Variants in NEMF observed in about 807,000 individuals in gnomAD.
The protein encoded by NEMF is nuclear export mediator factor.
Under a neutral mutation model 162.2 loss-of-function variants are expected in NEMF, and 89 were observed. The observed-to-expected ratio is 0.55, with a 90% CI of 0.46 to 0.65. The LOEUF is 0.65. Among genes scored for constraint, NEMF ranks in the 30% least tolerant of loss-of-function variants. The pLI is 0.00. For synonymous variants in NEMF, 421 were observed against 404.5 expected, an observed-to-expected ratio of 1.04 and a Z score of -0.49; for missense variants, 1,133 against 1,261.9, an observed-to-expected ratio of 0.90 and a Z score of 1.55.
intron 3 of NEMF, among the ~76,000 whole-genome samples, chr14:49,850,917 T>G (rs190026997): frequency 8.5e-5 from 13 of 152,210 alleles, no homozygotes; most frequent in Non-Finnish European, 1.8e-4. Flanking sequence ...AAAAAATTAA[T>G]GTTGGGCCAG....
Position 49,819,320 on chromosome 14 carries a change from G to T in NEMF, c.1578-4463C>A, listed in dbSNP as rs577441007. On this transcript the variant is annotated intron_variant, in intron 16 of 32. Coordinates refer to ENST00000298310, the MANE Select transcript of NEMF (RefSeq NM_004713.6). ...AAAAAACAGAGTAACTACGTGAGAT[G>T]ATGCATATGTTAATGTGCTTGACTG... Among the ~76,000 whole-genome samples the T allele has an allele frequency of 9.9e-5, 15 of 151,978 alleles. No individual in the cohort carries two copies. The East Asian group carries it at 1.2e-3, about 12-fold the overall frequency.
chr14:49,844,127 A>C (rs1300955443), intron 4 of NEMF, among the ~76,000 whole-genome samples: 1 of 151,556 alleles, frequency 6.6e-6, no homozygotes, highest in East Asian at 1.9e-4. Context: ...CAAAACAAAA[A>C]AAAAACCGCA....
chr14:49,804,658 T>C (rs543867215), intron 19 of NEMF, among the ~76,000 whole-genome samples: 1 of 76,044 alleles, frequency 1.3e-5, no homozygotes, highest in African/African-American at 4.2e-5. Context: ...AGAGCAACAT[T>C]CCATCTCATA....
At chr14:49,840,952 T>C (rs1893171908) in intron 4 of NEMF, 86 bp from the exon 5 acceptor site, 4 of 1,195,228 alleles carry the variant, frequency 3.3e-6, no homozygotes, top group South Asian at 1.5e-5. Context: ...ACCCCAGCAC[T>C]GTGGAAGGCC....
chr14:49,850,879 T>C (rs1410521705), intron 3 of NEMF, among the ~76,000 whole-genome samples: 4 of 151,994 alleles, frequency 2.6e-5, no homozygotes, highest in African/African-American at 9.7e-5. Flanking sequence ...CCATAAAAGG[T>C]GAGGTAACTA....
rs1033177764 is a variant in NEMF, at chr14:49,820,511, A to C, written c.1577+5356T>G. On this transcript the variant is annotated intron_variant, in intron 16 of 32. Transcript: ENST00000298310. ...CGGCTGGGCGCGGTGGCTCATGCCT[A>C]TAATCCCGGCACTTTGGAAGGCCGA... is the stretch of plus-strand genomic sequence containing the variant. 10 of 456,314 alleles carry C rather than the reference A, an allele frequency of 2.2e-5. No homozygotes were observed. In the Admixed American group the frequency reaches 2.4e-4, roughly 11 times the overall value. 28.3% of individuals were successfully genotyped at this position (456,314 alleles called of 1,614,324 possible). A position where few individuals can be genotyped will look rare whatever the true frequency, so the allele number is the denominator to read the frequency against.
At chr14:49,806,770 A>C (rs974614477) in intron 18 of NEMF, among the ~76,000 whole-genome samples, 2 of 152,188 alleles carry the variant, frequency 1.3e-5, no homozygotes, top group Non-Finnish European at 2.9e-5. Flanking sequence ...AATCCATTTA[A>C]AGTTTGAAGA....
At chr14:49,844,760 C>G in intron 4 of NEMF, 1 of 315,958 alleles carries the variant, frequency 3.2e-6, no homozygotes, top group South Asian at 2.4e-5. Flanking sequence ...CACACACACA[C>G]ACACATATAT....
intron 1 of NEMF, 50 bp downstream of exon 1, chr14:49,852,645 C>T (rs1893838681): frequency 1.3e-6 from 2 of 1,598,004 alleles, no homozygotes; most frequent in Non-Finnish European, 8.6e-7. Context: ...GGACTCCGGC[C>T]TCTGCCTCCT....
chr14:49,811,573 G>A (rs907400582), intron 18 of NEMF, among the ~76,000 whole-genome samples: 1 of 152,168 alleles, frequency 6.6e-6, no homozygotes, highest in Non-Finnish European at 1.5e-5. Context: ...ATTGTTAGCT[G>A]TCGGTTTTTC....
intron 25 of NEMF, among the ~76,000 whole-genome samples, chr14:49,797,832 ATT>A (rs1890761561): frequency 6.6e-6 from 1 of 152,180 alleles, no homozygotes; most frequent in Admixed American, 6.5e-5. Flanking sequence ...ATTCAACATC[ATT>A]GTGTTATAAC....
At chr14:49,836,753 G>T (rs892941498) in intron 6 of NEMF, among the ~76,000 whole-genome samples, 14 of 152,136 alleles carry the variant, frequency 9.2e-5, no homozygotes, top group Admixed American at 6.6e-4. Flanking sequence ...GATGTGTTGG[G>T]ATAGAAGTGT....
intron 29 of NEMF, chr14:49,786,426 A>G: frequency 2.8e-6 from 1 of 362,918 alleles, no homozygotes; most frequent in East Asian, 4.9e-5. Context: ...AGTGTTTGCT[A>G]TGTGCCATAA....
At chr14:49,845,057 C>A (rs1186083217) in intron 4 of NEMF, among the ~76,000 whole-genome samples, 1 of 147,160 alleles carries the variant, frequency 6.8e-6, no homozygotes, top group Non-Finnish European at 1.5e-5. Flanking sequence ...GTGTGAGCCA[C>A]CACACCTGGC....
chr14:49,847,192 CTTAT>C (rs111810839), intron 3 of NEMF, among the ~76,000 whole-genome samples: 23 of 150,322 alleles, frequency 1.5e-4, no homozygotes, highest in Middle Eastern at 3.6e-3. Context: ...CCAACCTTTA[CTTAT>C]TTATTTATTT....
chr14:49,831,744 C>G (rs1416276534), intron 10 of NEMF, among the ~76,000 whole-genome samples: 2 of 152,152 alleles, frequency 1.3e-5, no homozygotes, highest in Non-Finnish European at 2.9e-5. Flanking sequence ...GCTGCATACA[C>G]AGAATTTTAG....
intron 16 of NEMF, among the ~76,000 whole-genome samples, chr14:49,824,520 G>C (rs1022601119): frequency 8.6e-6 from 1 of 116,432 alleles, no homozygotes; most frequent in African/African-American, 3.2e-5. Flanking sequence ...CTCCAGCCTG[G>C]GCAATAAAAG....
chr14:49,789,631 T>C (rs1594723163), intron 26 of NEMF, 58 bp from the exon 27 acceptor site: 3 of 1,580,154 alleles, frequency 1.9e-6, no homozygotes, highest in East Asian at 2.2e-5. Flanking sequence ...TGTCAACAAA[T>C]ACTTGCAAAG....
chr14:49,791,472 C>T (rs1264041833), intron 26 of NEMF, among the ~76,000 whole-genome samples: 3 of 151,872 alleles, frequency 2.0e-5, no homozygotes, highest in Admixed American at 1.3e-4. Flanking sequence ...GGCATGGTGG[C>T]TCACGCCTGT....
Sources: gnomAD v4.1 joint callset for allele counts (sites outside exome capture counted in the v4.1 genomes callset) on GRCh38, gnomAD v4.1.1 for gene constraint, MANE v1.5 for transcripts, NCBI Gene and HGNC (gene_info 2026-07-23, HGNC 2026-07-21) for gene names.